Variants in STOML3 observed in about 807,000 individuals in gnomAD.
STOML3 encodes the protein stomatin-like protein 3.
A neutral mutation model predicts 29.5 loss-of-function variants in STOML3; 31 were observed. That is an observed-to-expected ratio of 1.05 (90% CI 0.79 to 1.42). The LOEUF is 1.42. STOML3 is among the 40% of genes most tolerant of loss of function. STOML3 has a pLI of 0.00. For synonymous variants in STOML3, 122 were observed against 139.8 expected, an observed-to-expected ratio of 0.87 and a Z score of 0.90; for missense variants, 380 against 363.0, an observed-to-expected ratio of 1.05 and a Z score of -0.38.
chr13:38,967,136 T>A, intron 6 of STOML3, 87 bp from the exon 7 acceptor site: 2 of 1,205,140 alleles, frequency 1.7e-6, no homozygotes, highest in South Asian at 3.0e-5. Context: ...TTGATACCCC[T>A]CTCCCCAGCC....
chr13:38,990,682 C>T lies in STOML3; in HGVS notation c.40G>A (p.Glu14Lys). Residue 14 changes from glutamate (E) to lysine (K), a missense_variant, in exon 1 of 7, where the codon GAG becomes AAG. Transcript: ENST00000379631. ...AAAAGGAACTTACCCACGAAATTCT[C>T]TTTATCTTGCTTCTCAGGTGAAGAC... is the stretch of plus-strand genomic sequence containing the variant. ...RVSSPEKQDK[E>K]NFVGVNNKRL... The T allele has an allele frequency of 6.2e-7, 1 of 1,613,948 alleles. No homozygotes were observed. The highest frequency in any genetic ancestry group is 8.5e-7 in the Non-Finnish European group (1 of 1,179,910).
chr13:38,969,097 C>T (rs539296830), intron 5 of STOML3, among the ~76,000 whole-genome samples: 6 of 152,238 alleles, frequency 3.9e-5, no homozygotes, highest in African/African-American at 1.4e-4. Context: ...ATTATTGGGT[C>T]CTTTTTGAGA....
At chr13:38,983,127 A>C (rs1158049450) in intron 1 of STOML3, among the ~76,000 whole-genome samples, 1 of 152,170 alleles carries the variant, frequency 6.6e-6, no homozygotes, top group Non-Finnish European at 1.5e-5. Flanking sequence ...GAAAGGCATA[A>C]ACTTTGACAA....
At chr13:38,972,936 G>A (rs547589496) in intron 3 of STOML3, among the ~76,000 whole-genome samples, 7 of 151,948 alleles carry the variant, frequency 4.6e-5, no homozygotes, top group Admixed American at 1.3e-4. Flanking sequence ...TTTGGGACAA[G>A]TGGAAAATTT....
chr13:38,982,641 A>C (rs1881307787), intron 1 of STOML3, among the ~76,000 whole-genome samples: 1 of 152,182 alleles, frequency 6.6e-6, no homozygotes, highest in African/African-American at 2.4e-5. Context: ...CAAACTCATT[A>C]AGCCAAAGGG....
rs920905793 is a variant in STOML3 at position 38,966,636 on chromosome 13, T to C, written c.*189A>G. ...TATGGTCCTAAAAATAAAAGTAATATACAGGTCTCATTTTTGCTCTTTTTT... is the reference window on the plus strand; with the variant it reads ...TATGGTCCTAAAAATAAAAGTAATACACAGGTCTCATTTTTGCTCTTTTTT... On this transcript the variant is annotated 3_prime_UTR_variant, in exon 7 of 7. Transcript: ENST00000379631. The C allele has an allele frequency of 1.5e-4, 79 of 522,588 alleles. No homozygotes were observed. The highest frequency in any genetic ancestry group is 2.4e-4 in the East Asian group (8 of 33,268). The allele number at this position is 522,588 out of a possible 1,614,324, so 32.4% of individuals were successfully genotyped here. A position where few individuals can be genotyped will look rare whatever the true frequency, so the allele number is the denominator to read the frequency against.
At chr13:38,970,475 A>C (rs950935986) in intron 4 of STOML3, 87 bp from the exon 5 acceptor site, 2 of 1,114,538 alleles carry the variant, frequency 1.8e-6, no homozygotes, top group Non-Finnish European at 2.7e-6. Flanking sequence ...GCCATCCTCC[A>C]CAGAAGGAGA....
At chr13:38,979,586 T>C (rs1438469766) in intron 1 of STOML3, among the ~76,000 whole-genome samples, 6 of 152,210 alleles carry the variant, frequency 3.9e-5, no homozygotes, top group Non-Finnish European at 8.8e-5. Flanking sequence ...ATATGGTGTA[T>C]AGATTTCCAT....
intron 1 of STOML3, among the ~76,000 whole-genome samples, chr13:38,979,553 C>A (rs2138018664): frequency 6.6e-6 from 1 of 152,104 alleles, no homozygotes; most frequent in African/African-American, 2.4e-5. Context: ...TACACTGTAC[C>A]CACCTTTCTA....
At chr13:38,973,712 A>G (rs1880974364) in intron 3 of STOML3, among the ~76,000 whole-genome samples, 1 of 152,210 alleles carries the variant, frequency 6.6e-6, no homozygotes, top group South Asian at 2.1e-4. Context: ...AGTTCTTATC[A>G]GCTAGATATA....
intron 5 of STOML3, 97 bp downstream of exon 5, chr13:38,970,088 G>T: frequency 1.8e-6 from 2 of 1,107,318 alleles, no homozygotes; most frequent in Non-Finnish European, 2.6e-6. Flanking sequence ...AAGCATGCAT[G>T]TGGTGGGGGA....
At chr13:38,985,518 T>C (rs1317234343) in intron 1 of STOML3, among the ~76,000 whole-genome samples, 1 of 152,194 alleles carries the variant, frequency 6.6e-6, no homozygotes, top group African/African-American at 2.4e-5. Flanking sequence ...CATTCTCCCA[T>C]GCTTTCAGTT....
intron 5 of STOML3, among the ~76,000 whole-genome samples, chr13:38,969,267 T>C (rs979702883): frequency 6.6e-6 from 1 of 152,208 alleles, no homozygotes; most frequent in Admixed American, 6.5e-5. Context: ...CTGGAGAAGA[T>C]GAGTGTCTTG....
chr13:38,970,346 C>A lies in STOML3; in HGVS notation c.355G>T (p.Val119Phe), dbSNP rs1880817311. ...ACAGCACTATAGATTCTGTAATAGA[C>A]AACTCCATCTACCTGAGTAGTTACG... ...DSVTTQVDGV[V>F]YYRIYSAVSA... Residue 119 changes from valine (V) to phenylalanine (F), a missense_variant, in exon 5 of 7, where the codon GTC becomes TTC. Transcript: ENST00000379631. 3.1e-6 allele frequency: 5 copies of A among 1,614,160 alleles called. No individual in the cohort carries two copies. The highest frequency in any genetic ancestry group is 4.2e-6 in the Non-Finnish European group (5 of 1,180,028).
At chr13:38,982,628 C>T (rs1236676742) in intron 1 of STOML3, among the ~76,000 whole-genome samples, 1 of 152,072 alleles carries the variant, frequency 6.6e-6, no homozygotes, top group Non-Finnish European at 1.5e-5. Flanking sequence ...AATCTTGGGA[C>T]CCCAAACTCA....
chr13:38,973,663 G>C (rs913252581), intron 3 of STOML3, among the ~76,000 whole-genome samples: 5 of 151,958 alleles, frequency 3.3e-5, no homozygotes, highest in African/African-American at 7.3e-5. Context: ...ATTTTGGGGG[G>C]ACACAAATAC....
intron 1 of STOML3, among the ~76,000 whole-genome samples, chr13:38,989,362 G>A (rs1360011628): frequency 6.6e-6 from 1 of 152,010 alleles, no homozygotes; most frequent in African/African-American, 2.4e-5. Context: ...TAAATAAGGG[G>A]ACTCTTGAGA....
chr13:38,967,672 A>G (rs1035215335), intron 6 of STOML3, among the ~76,000 whole-genome samples: 32 of 152,154 alleles, frequency 2.1e-4, no homozygotes, highest in African/African-American at 7.0e-4. Flanking sequence ...TCTCTCTTCT[A>G]TCATTGCCGA....
At position 38,983,728 on chromosome 13, in the gene STOML3, T is replaced by C. The variant is rs118168393; in HGVS notation, c.53-6931A>G. On this transcript the variant is annotated intron_variant, in intron 1 of 6. Coordinates refer to ENST00000379631, the MANE Select transcript of STOML3 (RefSeq NM_145286.3). ...CTATGAATACAAAATTCCATAATCC[T>C]AAGAGGTTTCCAAACAGGCAGATTT... Among the ~76,000 whole-genome samples, 888 of 152,274 alleles carry C rather than the reference T, an allele frequency of 5.8e-3. 4 individuals carry two copies. Among genetic ancestry groups the C allele is most frequent in the Non-Finnish European group, 9.6e-3 (654 of 68,018 alleles).
Sources: gnomAD v4.1 joint callset for allele counts (sites outside exome capture counted in the v4.1 genomes callset) on GRCh38, gnomAD v4.1.1 for gene constraint, MANE v1.5 for transcripts, NCBI Gene and HGNC (gene_info 2026-07-23, HGNC 2026-07-21) for gene names.